The following CDH10 variants were observed in gnomAD, a reference collection of about 807,000 sequenced individuals.
CDH10 encodes the protein cadherin-10.
A neutral mutation model predicts 73.1 loss-of-function variants in CDH10; 30 were observed. The ratio of observed to expected loss-of-function variants is 0.41; its 90% CI spans 0.31 to 0.56. CDH10 has a LOEUF of 0.56. CDH10 is among the 20% of genes least tolerant of loss of function. The pLI is 0.27. For synonymous variants in CDH10, 345 were observed against 348.2 expected (o/e 0.99, Z 0.10); for missense variants, 815 against 973.7 (o/e 0.84, Z 2.17).
intron 5 of CDH10, among the ~76,000 whole-genome samples, chr5:24,533,184 G>GTATTTTTGTACCACCACA (rs1241077474): frequency 3.3e-5 from 5 of 151,836 alleles, no homozygotes; most frequent in African/African-American, 9.7e-5. Context: ...AAAATTATTT[G>GTATTTTTGTACCACCACA]GGCATGGTGG....
chr5:24,494,513 C>T (rs990847786), intron 9 of CDH10, among the ~76,000 whole-genome samples: 1 of 151,522 alleles, frequency 6.6e-6, no homozygotes, highest in African/African-American at 2.4e-5. Context: ...AAAAAGTGAC[C>T]GAAATGTAAA....
chr5:24,641,057 T>C (rs1402024236), intron 1 of CDH10, among the ~76,000 whole-genome samples: 7 of 151,912 alleles, frequency 4.6e-5, no homozygotes, highest in Admixed American at 1.3e-4. Flanking sequence ...ATGTGATGGG[T>C]CTTATTTTTT....
intron 2 of CDH10, among the ~76,000 whole-genome samples, chr5:24,588,682 G>C (rs776799623): frequency 6.6e-6 from 1 of 152,100 alleles, no homozygotes; most frequent in Non-Finnish European, 1.5e-5. Context: ...AGTCTAACCT[G>C]GTGGACACAG....
chr5:24,500,423 A>G (rs1742451369), intron 8 of CDH10, among the ~76,000 whole-genome samples: 2 of 152,236 alleles, frequency 1.3e-5, no homozygotes, highest in Admixed American at 1.3e-4. Flanking sequence ...CAGTCTTCTG[A>G]ACCCACATGG....
chr5:24,561,218 A>C lies in CDH10; in HGVS notation c.232-23544T>G, dbSNP rs80277909. On this transcript the variant is annotated intron_variant, in intron 2 of 11. Transcript: ENST00000264463. Reference sequence around the variant, plus strand: ...TTATGTCAACATATGTGTAGTAAAAATGAGTGGAACAGAATATGTTTGGGG... The same window carrying C: ...TTATGTCAACATATGTGTAGTAAAACTGAGTGGAACAGAATATGTTTGGGG... Among the ~76,000 whole-genome samples the C allele has an allele frequency of 9.2e-3, 1,395 of 152,276 alleles. 23 individuals carry two copies. The highest frequency in any genetic ancestry group is 0.03 in the African/African-American group (1,248 of 41,574).
At chr5:24,623,200 C>T (rs1334829749) in intron 1 of CDH10, among the ~76,000 whole-genome samples, 1 of 152,176 alleles carries the variant, frequency 6.6e-6, no homozygotes, top group Non-Finnish European at 1.5e-5. Flanking sequence ...GCCAGCAGTC[C>T]TGCAGATGCA....
rs200905626 is a variant in CDH10, at chr5:24,511,517, G to A, written c.815-3C>T. The A allele has an allele frequency of 1.7e-5, 23 of 1,385,678 alleles. No homozygotes were observed. The highest frequency in any genetic ancestry group is 2.1e-5 in the Non-Finnish European group (21 of 994,212). The allele number at this position is 1,385,678 out of a possible 1,614,324, so 85.8% of individuals were successfully genotyped here. ...AAGAACTCGAAGATGAATAGTGTCT[G>A]TAAAGTATAAAGAAAAGAAGAGAGA... On this transcript the variant is annotated splice_polypyrimidine_tract_variant and splice_region_variant and intron_variant, in intron 5 of 11. Transcript: ENST00000264463.
At chr5:24,557,607 G>A (rs1744814245) in intron 2 of CDH10, among the ~76,000 whole-genome samples, 1 of 151,504 alleles carries the variant, frequency 6.6e-6, no homozygotes, top group Middle Eastern at 3.2e-3. Context: ...TCTTGTCAAA[G>A]GAAAAGAAAA....
intron 1 of CDH10, among the ~76,000 whole-genome samples, chr5:24,614,897 T>C (rs1001069698): frequency 6.6e-6 from 1 of 152,170 alleles, no homozygotes; most frequent in Admixed American, 6.6e-5. Flanking sequence ...TGTACTCCTA[T>C]TGGTCAGAGC....
intron 2 of CDH10, among the ~76,000 whole-genome samples, chr5:24,549,843 C>A (rs2111946193): frequency 6.6e-6 from 1 of 152,200 alleles, no homozygotes; most frequent in Admixed American, 6.5e-5. Flanking sequence ...TGAGCCACTG[C>A]ACCCAACCTG....
chr5:24,567,326 C>T (rs186280408), intron 2 of CDH10, among the ~76,000 whole-genome samples: 2 of 151,550 alleles, frequency 1.3e-5, no homozygotes, highest in African/African-American at 2.4e-5. Context: ...TAGGCCATGA[C>T]CCAGAACTCC....
chr5:24,527,103 G>A (rs1309529407), intron 5 of CDH10, among the ~76,000 whole-genome samples: 1 of 150,110 alleles, frequency 6.7e-6, no homozygotes, highest in Non-Finnish European at 1.5e-5. Flanking sequence ...GACAATTATG[G>A]CACTAATCTT....
chr5:24,496,844 C>A (rs1013707864), intron 9 of CDH10, among the ~76,000 whole-genome samples: 2 of 152,128 alleles, frequency 1.3e-5, no homozygotes, highest in African/African-American at 4.8e-5. Context: ...GAATCTCATC[C>A]CTTAATATAT....
chr5:24,559,168 TTTTG>T (rs1167725044), intron 2 of CDH10, among the ~76,000 whole-genome samples: 1 of 151,922 alleles, frequency 6.6e-6, no homozygotes, highest in African/African-American at 2.4e-5. Flanking sequence ...TAGGAATTAT[TTTTG>T]TTTGTTTATT....
chr5:24,491,536 G>A lies in CDH10; in HGVS notation c.1876+40C>T, dbSNP rs202223930. ...CACAATTCTTCAAAATCATACTAAA[G>A]AGCCTAGAAAATGCTCCCATTGTTT... On this transcript the variant is annotated intron_variant, in intron 11 of 11. Transcript: ENST00000264463. 5.1e-6 allele frequency: 8 copies of A among 1,560,164 alleles called. No homozygotes were observed. In the East Asian group the frequency reaches 1.4e-4, roughly 27 times the overall value.
chr5:24,614,489 TAGC>T (rs1261090171), intron 1 of CDH10, among the ~76,000 whole-genome samples: 15 of 152,196 alleles, frequency 9.9e-5, no homozygotes, highest in African/African-American at 3.6e-4. Context: ...TATTAAATAA[TAGC>T]AGGCTGATAA....
chr5:24,555,842 A>G (rs907304134), intron 2 of CDH10, among the ~76,000 whole-genome samples: 23 of 149,614 alleles, frequency 1.5e-4, no homozygotes, highest in African/African-American at 5.7e-4. Flanking sequence ...ACATACGTCT[A>G]TTGGGATTGG....
intron 11 of CDH10, among the ~76,000 whole-genome samples, chr5:24,488,953 AC>A (rs1171821129): frequency 1.3e-5 from 2 of 152,108 alleles, no homozygotes; most frequent in African/African-American, 4.8e-5. Context: ...TCAATGAGAG[AC>A]AATATTCATA....
intron 2 of CDH10, among the ~76,000 whole-genome samples, chr5:24,584,193 AATATT>A (rs1745900646): frequency 6.6e-6 from 1 of 152,138 alleles, no homozygotes; most frequent in African/African-American, 2.4e-5. Context: ...CAAGTTTCAA[AATATT>A]ATATATCTCA....
Sources: allele counts gnomAD v4.1 joint callset (sites outside exome capture counted in the v4.1 genomes callset), GRCh38; gene constraint gnomAD v4.1.1; transcripts MANE v1.5; gene names NCBI Gene and HGNC (gene_info 2026-07-23, HGNC 2026-07-21).